The following CNTN6 variants were observed in gnomAD, a reference collection of about 807,000 sequenced individuals.
The protein encoded by CNTN6 is contactin-6.
A neutral mutation model predicts 122.8 loss-of-function variants in CNTN6; 137 were observed. The ratio of observed to expected loss-of-function variants is 1.12; its 90% CI spans 0.97 to 1.29. CNTN6 has a LOEUF of 1.29. CNTN6 is among the 50% of genes most tolerant of loss of function. CNTN6 has a pLI of 0.00. For missense variants in CNTN6, 1,634 were observed against 1,223.4 expected (o/e 1.34, Z -5.01); for synonymous variants, 570 against 426.0 (o/e 1.34, Z -4.16).
intron 1 of CNTN6, among the ~76,000 whole-genome samples, chr3:1,107,239 A>G (rs978833313): frequency 2.0e-5 from 3 of 152,138 alleles, no homozygotes; most frequent in African/African-American, 7.2e-5. Flanking sequence ...CCTTGCTGAT[A>G]AATAGGTATT....
chr3:1,160,442 G>A (rs1163779640), intron 2 of CNTN6, among the ~76,000 whole-genome samples: 1 of 148,602 alleles, frequency 6.7e-6, no homozygotes, highest in African/African-American at 2.5e-5. Context: ...GGGTTTGTGA[G>A]ATTCATCCAA....
At chr3:1,170,866 T>A (rs2093346571) in intron 2 of CNTN6, among the ~76,000 whole-genome samples, 2 of 152,198 alleles carry the variant, frequency 1.3e-5, no homozygotes, top group African/African-American at 2.4e-5. Flanking sequence ...TTGCTTAGCA[T>A]CTATCTCTTT....
chr3:1,267,905 T>C (rs1218766294), intron 4 of CNTN6, among the ~76,000 whole-genome samples: 1 of 152,008 alleles, frequency 6.6e-6, no homozygotes, highest in African/African-American at 2.4e-5. Flanking sequence ...AACACGTCCC[T>C]TGATGACACC....
intron 5 of CNTN6, among the ~76,000 whole-genome samples, chr3:1,287,757 C>T (rs1350184623): frequency 6.6e-6 from 1 of 152,124 alleles, no homozygotes; most frequent in Non-Finnish European, 1.5e-5. Context: ...AAAGACACTC[C>T]CACCAGCGCC....
chr3:1,304,230 C>T (rs1393242972), intron 7 of CNTN6, among the ~76,000 whole-genome samples: 1 of 152,164 alleles, frequency 6.6e-6, no homozygotes, highest in Non-Finnish European at 1.5e-5. Context: ...CATTTATTTC[C>T]CCTCTTTCAG....
chr3:1,243,018 C>T (rs147145853), intron 4 of CNTN6, among the ~76,000 whole-genome samples: 15,739 of 151,848 alleles, frequency 0.1, 1,011 homozygotes, highest in East Asian at 0.31. Context: ...ACCCAAAGCT[C>T]GGCGTCCGTG....
chr3:1,213,084 G>C (rs891338304), intron 2 of CNTN6, among the ~76,000 whole-genome samples: 39 of 152,192 alleles, frequency 2.6e-4, no homozygotes, highest in Non-Finnish European at 4.9e-4. Context: ...CTCACAAAAG[G>C]CATCACAGGG....
rs757615661 is a variant in CNTN6, at chr3:1,319,013, A to C, written c.762-2637A>C. Among the ~76,000 whole-genome samples the C allele has an allele frequency of 2.3e-4, 35 of 151,630 alleles. 1 individual carries two copies. The highest frequency in any genetic ancestry group is 3.4e-3 in the Middle Eastern group (1 of 294). On this transcript the variant is annotated intron_variant, in intron 7 of 22. Transcript: ENST00000446702. ...AATAGGAGACTCCATTTCTTGTATC[A>C]AAGGGAAAAAATGCTTGTCCAGTAA...
intron 12 of CNTN6, among the ~76,000 whole-genome samples, chr3:1,358,874 C>T (rs1157900311): frequency 1.3e-5 from 2 of 151,860 alleles, no homozygotes; most frequent in African/African-American, 4.8e-5. Context: ...AGTTCAAGAC[C>T]ATGGCAAGAC....
intron 1 of CNTN6, among the ~76,000 whole-genome samples, chr3:1,138,269 T>G (rs1015990133): frequency 7.2e-5 from 11 of 152,176 alleles, no homozygotes; most frequent in African/African-American, 2.7e-4. Context: ...ACCTAAGTCA[T>G]GCCAGATTTT....
chr3:1,167,780 A>G (rs994400057), intron 2 of CNTN6, among the ~76,000 whole-genome samples: 7 of 152,346 alleles, frequency 4.6e-5, no homozygotes, highest in Middle Eastern at 3.4e-3. Context: ...TGCTAGATTC[A>G]ACCGCTGTTC....
At chr3:1,338,252 T>C (rs1487029114) in intron 11 of CNTN6, among the ~76,000 whole-genome samples, 3 of 152,170 alleles carry the variant, frequency 2.0e-5, no homozygotes, top group Admixed American at 6.6e-5. Context: ...GGCTTCCTTG[T>C]AGAGTGGCTG....
chr3:1,168,223 C>A (rs1203980829), intron 2 of CNTN6, among the ~76,000 whole-genome samples: 2 of 151,592 alleles, frequency 1.3e-5, no homozygotes, highest in African/African-American at 4.9e-5. Context: ...ATGTTATTAA[C>A]CCTGTGTTTT....
intron 5 of CNTN6, among the ~76,000 whole-genome samples, chr3:1,281,273 C>A (rs1266507847): frequency 1.3e-5 from 2 of 152,110 alleles, no homozygotes; most frequent in African/African-American, 4.8e-5. Flanking sequence ...ATATTTCCTA[C>A]CACACATGGC....
intron 12 of CNTN6, among the ~76,000 whole-genome samples, chr3:1,357,483 C>T (rs115087962): frequency 0.014 from 2,114 of 151,990 alleles, 54 homozygotes; most frequent in African/African-American, 0.048. Context: ...CTCATTTCAA[C>T]TTTCAGAGTA....
At position 1,251,800 on chromosome 3, in the gene CNTN6, TCCTCACATA is replaced by T. The variant is rs2094674724; in HGVS notation, c.358+23813_358+23821del. Reference sequence around the variant, plus strand: ...TCTCCTATAAAAGTCAACTAAATCATCCTCACATACCTCAAACAACATTTTCCTGACCCT... The same window carrying T: ...TCTCCTATAAAAGTCAACTAAATCATCCTCAAACAACATTTTCCTGACCCT... On this transcript the variant is annotated intron_variant, in intron 4 of 22. Transcript: ENST00000446702. 2.0e-5 allele frequency among the ~76,000 whole-genome samples: 3 copies of T among 152,122 alleles called. No individual in the cohort carries two copies. The South Asian group carries it at 6.2e-4, about 32-fold the overall frequency.
chr3:1,289,983 A>G (rs1360956338), intron 5 of CNTN6, among the ~76,000 whole-genome samples: 3 of 148,240 alleles, frequency 2.0e-5, no homozygotes, highest in Admixed American at 6.7e-5. Context: ...GAGTTTTATC[A>G]TTTTTATCAA....
At chr3:1,173,777 GAA>G (rs34158436) in intron 2 of CNTN6, among the ~76,000 whole-genome samples, 1,519 of 143,970 alleles carry the variant, frequency 0.011, 30 homozygotes, top group African/African-American at 0.037. Flanking sequence ...TCCTTTTGGG[GAA>G]AAAAAAAAAA....
intron 2 of CNTN6, among the ~76,000 whole-genome samples, chr3:1,159,635 T>G (rs1168585724): frequency 1.3e-5 from 2 of 151,846 alleles, no homozygotes; most frequent in Non-Finnish European, 2.9e-5. Context: ...CTTATAAAAA[T>G]AAATACCTTA....
Sources: allele counts gnomAD v4.1 joint callset (sites outside exome capture counted in the v4.1 genomes callset), GRCh38; gene constraint gnomAD v4.1.1; transcripts MANE v1.5; gene names NCBI Gene and HGNC (gene_info 2026-07-23, HGNC 2026-07-21).